The following ABHD17C variants were observed in gnomAD, a reference collection of about 807,000 sequenced individuals.
The protein encoded by ABHD17C is alpha/beta hydrolase domain-containing protein 17C.
A neutral mutation model predicts 27.9 loss-of-function variants in ABHD17C; 11 were observed. The observed-to-expected ratio is 0.39, with a 90% CI of 0.25 to 0.65. The LOEUF is 0.65. Ranked by LOEUF, ABHD17C falls within the 30% of genes least tolerant of loss-of-function variation. The pLI, the probability that ABHD17C is intolerant of heterozygous loss-of-function variation, is 0.45. For missense variants in ABHD17C, 280 were observed against 470.2 expected, an observed-to-expected ratio of 0.60 and a Z score of 3.74; for synonymous variants, 233 against 209.1, an observed-to-expected ratio of 1.11 and a Z score of -0.98.
At chr15:80,722,339 T>A (rs1186139638) in intron 1 of ABHD17C, among the ~76,000 whole-genome samples, 3 of 150,790 alleles carry the variant, frequency 2.0e-5, no homozygotes, top group Non-Finnish European at 3.0e-5. Flanking sequence ...TTTTTTTTTT[T>A]AATGTTTCCC....
At chr15:80,741,991 A>G (rs1895217538) in intron 1 of ABHD17C, among the ~76,000 whole-genome samples, 1 of 152,160 alleles carries the variant, frequency 6.6e-6, no homozygotes, top group African/African-American at 2.4e-5. Context: ...ACGGAGTGGG[A>G]CAATGTGAGA....
chr15:80,731,853 T>C (rs531931164), intron 1 of ABHD17C, among the ~76,000 whole-genome samples: 1 of 152,330 alleles, frequency 6.6e-6, no homozygotes, highest in South Asian at 2.1e-4. Flanking sequence ...GCTGACTCTT[T>C]TTTTAAAAAT....
chr15:80,749,396 A>T, intron 1 of ABHD17C, 117 bp from the exon 2 acceptor site: 1 of 1,027,394 alleles, frequency 9.7e-7, no homozygotes, highest in East Asian at 2.5e-5. Flanking sequence ...AAGTTAGATG[A>T]TATGGTTTTA....
At chr15:80,745,982 G>T (rs1469822569) in intron 1 of ABHD17C, among the ~76,000 whole-genome samples, 2 of 152,140 alleles carry the variant, frequency 1.3e-5, no homozygotes, top group Non-Finnish European at 2.9e-5. Context: ...AGGTTCCTGG[G>T]TATGTGCTAA....
chr15:80,713,140 C>G (rs1894749966), intron 1 of ABHD17C, among the ~76,000 whole-genome samples: 1 of 151,442 alleles, frequency 6.6e-6, no homozygotes, highest in African/African-American at 2.4e-5. Flanking sequence ...AATCATAGCT[C>G]TCTTAACTTC....
intron 1 of ABHD17C, among the ~76,000 whole-genome samples, chr15:80,721,841 T>C (rs1322011445): frequency 6.6e-6 from 1 of 151,912 alleles, no homozygotes; most frequent in Admixed American, 6.5e-5. Flanking sequence ...GTGGTAGACT[T>C]TGTTTCTGGA....
At chr15:80,717,378 C>A (rs964035706) in intron 1 of ABHD17C, among the ~76,000 whole-genome samples, 2 of 150,810 alleles carry the variant, frequency 1.3e-5, no homozygotes, top group African/African-American at 4.9e-5. Context: ...ATTTTCCACT[C>A]GTTATAAAAT....
chr15:80,701,524 C>T (rs992258852), intron 1 of ABHD17C, among the ~76,000 whole-genome samples: 1 of 151,802 alleles, frequency 6.6e-6, no homozygotes, highest in African/African-American at 2.4e-5. Context: ...ACTAAAAATA[C>T]ACAAATTAGC....
intron 1 of ABHD17C, among the ~76,000 whole-genome samples, chr15:80,724,718 T>A (rs1367559891): frequency 2.6e-5 from 4 of 152,198 alleles, no homozygotes; most frequent in Non-Finnish European, 5.9e-5. Flanking sequence ...TGATGGATGC[T>A]CCTGCACAAA....
At chr15:80,737,543 G>T (rs1895148611) in intron 1 of ABHD17C, among the ~76,000 whole-genome samples, 1 of 152,178 alleles carries the variant, frequency 6.6e-6, no homozygotes, top group Non-Finnish European at 1.5e-5. Flanking sequence ...TGCCCAAAGG[G>T]AGATACAATT....
intron 1 of ABHD17C, among the ~76,000 whole-genome samples, chr15:80,711,884 G>A (rs556925171): frequency 6.6e-6 from 1 of 152,274 alleles, no homozygotes; most frequent in East Asian, 1.9e-4. Flanking sequence ...CCCTTCATTT[G>A]CAACTCTTTT....
At chr15:80,736,593 G>C (rs775489655) in intron 1 of ABHD17C, among the ~76,000 whole-genome samples, 1 of 152,024 alleles carries the variant, frequency 6.6e-6, no homozygotes, top group Non-Finnish European at 1.5e-5. Context: ...AGTATCCTCA[G>C]ACCTCATCCT....
chr15:80,696,149 C>T (rs925374705), intron 1 of ABHD17C, 130 bp downstream of exon 1: 7 of 976,406 alleles, frequency 7.2e-6, no homozygotes, highest in African/African-American at 1.7e-5. Flanking sequence ...GCGGAGAGCC[C>T]CTTGGCCGCC....
intron 1 of ABHD17C, among the ~76,000 whole-genome samples, chr15:80,707,295 T>C (rs1894660940): frequency 6.6e-6 from 1 of 152,214 alleles, no homozygotes. Context: ...GAACATACAG[T>C]GGCCTGAGAT....
chr15:80,741,873 A>G (rs1184477380), intron 1 of ABHD17C, among the ~76,000 whole-genome samples: 3 of 152,182 alleles, frequency 2.0e-5, no homozygotes, highest in Non-Finnish European at 4.4e-5. Context: ...ACAAGTCTAC[A>G]ATACTATGAC....
chr15:80,754,438 C>T lies in ABHD17C; in HGVS notation c.*68C>T. The T allele has an allele frequency of 2.2e-6, 3 of 1,353,026 alleles. No individual in the cohort carries two copies. In the South Asian group the frequency reaches 4.0e-5, roughly 18 times the overall value. The allele number at this position is 1,353,026 out of a possible 1,614,324, so 83.8% of individuals were successfully genotyped here. ...GTCCTCTGTTTTGCACATGCTTTAA[C>T]TGGGTAGCTGTAAAGGCTTGATAAC... is the stretch of plus-strand genomic sequence containing the variant. On this transcript the variant is annotated 3_prime_UTR_variant, in exon 3 of 3. Transcript: ENST00000258884.
At chr15:80,704,055 TG>T (rs1029084347) in intron 1 of ABHD17C, among the ~76,000 whole-genome samples, 2 of 152,196 alleles carry the variant, frequency 1.3e-5, no homozygotes, top group African/African-American at 4.8e-5. Context: ...TTCTGTACCG[TG>T]GATAGCTGAA....
At chr15:80,749,716 G>A (rs775458960) in intron 2 of ABHD17C, 24 bp downstream of exon 2, 2 of 1,607,224 alleles carry the variant, frequency 1.2e-6, no homozygotes, top group Non-Finnish European at 1.7e-6. Flanking sequence ...TGTCCAACAA[G>A]TGGTAAGTCA....
At chr15:80,742,715 A>G (rs1287540501) in intron 1 of ABHD17C, among the ~76,000 whole-genome samples, 2 of 152,128 alleles carry the variant, frequency 1.3e-5, no homozygotes, top group Non-Finnish European at 2.9e-5. Context: ...GAGAAAATAT[A>G]AGAGTGTGAT....
Sources: gnomAD v4.1 joint callset for allele counts (sites outside exome capture counted in the v4.1 genomes callset) on GRCh38, gnomAD v4.1.1 for gene constraint, MANE v1.5 for transcripts, NCBI Gene and HGNC (gene_info 2026-07-23, HGNC 2026-07-21) for gene names.